Variants in ZIM2 observed in about 807,000 individuals in gnomAD.
ZIM2 encodes zinc finger protein 656.
Under a neutral mutation model 38.6 loss-of-function variants are expected in ZIM2, and 14 were observed. The ratio of observed to expected loss-of-function variants is 0.36; its 90% CI spans 0.24 to 0.57. ZIM2 has a LOEUF of 0.57. Ranked by LOEUF, ZIM2 falls within the 20% of genes least tolerant of loss-of-function variation. The pLI is 0.81. For synonymous variants in ZIM2, 247 were observed against 245.8 expected, an observed-to-expected ratio of 1.00 and a Z score of -0.04; for missense variants, 680 against 695.1, an observed-to-expected ratio of 0.98 and a Z score of 0.24.
chr19:56,779,253 G>A, intron 12 of ZIM2, 124 bp downstream of exon 12: 1 of 822,230 alleles, frequency 1.2e-6, no homozygotes, highest in Non-Finnish European at 2.0e-6. Context: ...GAGACCAAGG[G>A]GAGTACTGAG....
Position 56,814,161 on chromosome 19 carries a change from T to C in ZIM2, c.490+3585A>G, listed in dbSNP as rs1205088095. 2 of 1,614,014 alleles carry C rather than the reference T, an allele frequency of 1.2e-6. No individual in the cohort carries two copies. The highest frequency in any genetic ancestry group is 1.7e-6 in the Non-Finnish European group (2 of 1,180,042). ...CCTCTCCAATGGGCTCTGCAGCCTCTCCATCTGGCCCTTCAGCCTCTCCGT... is the reference window on the plus strand; with the variant it reads ...CCTCTCCAATGGGCTCTGCAGCCTCCCCATCTGGCCCTTCAGCCTCTCCGT... On this transcript the variant is annotated intron_variant, in intron 9 of 12. Transcript: ENST00000629319. The surrounding 1 kb of genome is among the most constrained non-coding windows in gnomAD (Gnocchi z 5.8).
chr19:56,785,655 T>C (rs1281429215), intron 10 of ZIM2, among the ~76,000 whole-genome samples: 1 of 152,214 alleles, frequency 6.6e-6, no homozygotes, highest in Non-Finnish European at 1.5e-5. Flanking sequence ...TCATTTACAC[T>C]ATTTTCATTG....
chr19:56,785,600 G>GC (rs1230778042), intron 10 of ZIM2, among the ~76,000 whole-genome samples: 1 of 152,154 alleles, frequency 6.6e-6, no homozygotes, highest in African/African-American at 2.4e-5. Flanking sequence ...TTTGTTAAAG[G>GC]CCTACAATAA....
chr19:56,816,635 C>T, intron 9 of ZIM2: 2 of 1,612,784 alleles, frequency 1.2e-6, no homozygotes, highest in East Asian at 2.2e-5. Context: ...TCCCCGCGCT[C>T]ACGTTCACGT....
chr19:56,813,620 G>A, intron 9 of ZIM2: 1 of 1,549,770 alleles, frequency 6.5e-7, no homozygotes. Context: ...GATTCTCTGT[G>A]GTTTGGTAAG....
chr19:56,783,016 C>A (rs2046406001), intron 10 of ZIM2, among the ~76,000 whole-genome samples: 1 of 152,032 alleles, frequency 6.6e-6, no homozygotes, highest in Admixed American at 6.6e-5. Flanking sequence ...TCCAGCCCCC[C>A]AACTACCCTT....
At chr19:56,830,139 C>T (rs914743573) in intron 2 of ZIM2, among the ~76,000 whole-genome samples, 28 of 152,164 alleles carry the variant, frequency 1.8e-4, no homozygotes, top group African/African-American at 5.3e-4. Flanking sequence ...TATACCCTAC[C>T]GCAAGGCTCC....
At chr19:56,781,867 A>T in intron 11 of ZIM2, 86 bp downstream of exon 11, 1 of 1,508,732 alleles carries the variant, frequency 6.6e-7, no homozygotes, top group Non-Finnish European at 9.0e-7. Context: ...ATGGTGAACC[A>T]CCATTACTGA....
At chr19:56,780,799 G>T (rs1367926308) in intron 11 of ZIM2, among the ~76,000 whole-genome samples, 1 of 152,168 alleles carries the variant, frequency 6.6e-6, no homozygotes, top group Non-Finnish European at 1.5e-5. Context: ...CCATCAGAAG[G>T]CTTAAAGGAA....
intron 9 of ZIM2, chr19:56,798,387 G>T (rs1265165649): frequency 6.6e-6 from 1 of 152,194 alleles, no homozygotes; most frequent in Non-Finnish European, 1.5e-5. Flanking sequence ...AATAAATGGT[G>T]TTGGGAGAAC....
At chr19:56,817,627 G>T (rs768433279) in intron 9 of ZIM2, 119 bp downstream of exon 9, 1 of 1,535,294 alleles carries the variant, frequency 6.5e-7, no homozygotes, top group South Asian at 1.2e-5. Flanking sequence ...CCATAAGAAG[G>T]ACAGTGGGAC....
At chr19:56,792,128 G>A (rs1450038689) in intron 9 of ZIM2, among the ~76,000 whole-genome samples, 1 of 151,006 alleles carries the variant, frequency 6.6e-6, no homozygotes, top group African/African-American at 2.4e-5. Flanking sequence ...GATACACTCA[G>A]AGAAATAGTA....
intron 9 of ZIM2, among the ~76,000 whole-genome samples, chr19:56,790,511 C>A (rs2046875028): frequency 6.6e-6 from 1 of 152,208 alleles, no homozygotes; most frequent in Non-Finnish European, 1.5e-5. Flanking sequence ...TCTGTATACA[C>A]TACCCCTTAG....
At chr19:56,830,018 G>A (rs1300774202) in intron 2 of ZIM2, among the ~76,000 whole-genome samples, 2 of 152,176 alleles carry the variant, frequency 1.3e-5, no homozygotes, top group Non-Finnish European at 2.9e-5. Flanking sequence ...AAGCTGAGGA[G>A]TTAATCTGCC....
At chr19:56,818,739 T>C (rs1458822452) in intron 7 of ZIM2, 37 bp from the exon 8 acceptor site, 1 of 1,605,368 alleles carries the variant, frequency 6.2e-7, no homozygotes, top group Admixed American at 1.7e-5. Context: ...ATGGAGTCTG[T>C]CCCCACCGAT....
chr19:56,806,952 T>C (rs1323179230), intron 9 of ZIM2, among the ~76,000 whole-genome samples: 1 of 152,220 alleles, frequency 6.6e-6, no homozygotes, highest in Non-Finnish European at 1.5e-5. Flanking sequence ...TAAATTTCTG[T>C]TGTTTATAAA....
intron 9 of ZIM2, among the ~76,000 whole-genome samples, chr19:56,805,226 T>G (rs2047699224): frequency 6.6e-6 from 1 of 152,172 alleles, no homozygotes; most frequent in African/African-American, 2.4e-5. Context: ...CAACCAGAAA[T>G]GTTTCCAGAC....
chr19:56,797,339 G>A (rs137857855), intron 9 of ZIM2, among the ~76,000 whole-genome samples: 2 of 151,862 alleles, frequency 1.3e-5, no homozygotes, highest in East Asian at 3.9e-4. Context: ...TAAATAAGCT[G>A]TGACTATGTG....
chr19:56,827,614 C>T (rs1338346787), intron 2 of ZIM2, among the ~76,000 whole-genome samples: 1 of 152,158 alleles, frequency 6.6e-6, no homozygotes, highest in Non-Finnish European at 1.5e-5. Context: ...CACATATCCT[C>T]CTCTCCTACA....
Sources: gnomAD v4.1 joint callset for allele counts (sites outside exome capture counted in the v4.1 genomes callset) on GRCh38, gnomAD v4.1.1 for gene constraint, Gnocchi (gnomAD v3.1) non-coding constraint, MANE v1.5 for transcripts, NCBI Gene and HGNC (gene_info 2026-07-23, HGNC 2026-07-21) for gene names.